Variants in PRSS55 observed in about 807,000 individuals in gnomAD.
PRSS55 encodes probable serine protease UNQ9391/PRO34284.
Under a neutral mutation model 23.6 loss-of-function variants are expected in PRSS55, and 41 were observed. That is an observed-to-expected ratio of 1.74 (90% CI 1.35 to 2.26). The LOEUF is 2.26. Among genes scored for constraint, PRSS55 ranks in the 30% most tolerant of loss-of-function variants. The pLI, the probability that PRSS55 is intolerant of heterozygous loss-of-function variation, is 0.00. For synonymous variants in PRSS55, 262 were observed against 175.5 expected (o/e 1.49, Z -3.90); for missense variants, 669 against 439.1 (o/e 1.52, Z -4.68).
At chr8:10,533,596 AATT>A in intron 4 of PRSS55, among the ~76,000 whole-genome samples, 1 of 152,342 alleles carries the variant, frequency 6.6e-6, no homozygotes, top group Middle Eastern at 3.4e-3. Context: ...CTTTCTAAAA[AATT>A]ATTGATAGCC....
intron 4 of PRSS55, among the ~76,000 whole-genome samples, chr8:10,546,789 T>A (rs1812829173): frequency 6.6e-6 from 1 of 152,048 alleles, no homozygotes. Flanking sequence ...GCTCAAGTGA[T>A]CCTCCCACCT....
chr8:10,534,509 A>C (rs538714579), intron 4 of PRSS55, among the ~76,000 whole-genome samples: 4 of 152,266 alleles, frequency 2.6e-5, no homozygotes, highest in South Asian at 2.1e-4. Context: ...AGAGTAATAT[A>C]ACAAAGGTAG....
intron 4 of PRSS55, among the ~76,000 whole-genome samples, chr8:10,536,721 G>C (rs1812468402): frequency 6.6e-6 from 1 of 152,138 alleles, no homozygotes; most frequent in South Asian, 2.1e-4. Context: ...GCAGCAACTT[G>C]GATGCAGCTA....
intron 1 of PRSS55, 136 bp from the exon 2 acceptor site, chr8:10,529,371 C>T: frequency 1.1e-6 from 1 of 879,020 alleles, no homozygotes; most frequent in Non-Finnish European, 1.9e-6. Flanking sequence ...GCTCGGCAGC[C>T]TCAGTGAGCT....
chr8:10,551,456 G>A (rs1188086645), intron 4 of PRSS55, among the ~76,000 whole-genome samples: 4 of 152,202 alleles, frequency 2.6e-5, no homozygotes, highest in Admixed American at 6.5e-5. Context: ...TGGTGGGGAC[G>A]GCAGGGTAAC....
At chr8:10,551,827 A>G (rs1375825897) in intron 4 of PRSS55, among the ~76,000 whole-genome samples, 1 of 152,158 alleles carries the variant, frequency 6.6e-6, no homozygotes, top group African/African-American at 2.4e-5. Context: ...ACTGCAAAGC[A>G]CCTCCAGATT....
downstream of PRSS55, chr8:10,541,664 C>A (rs920289670): frequency 4.6e-5 from 7 of 152,208 alleles, no homozygotes; most frequent in African/African-American, 1.7e-4. Context: ...TAATCTATCT[C>A]TCCTGTTTTT....
At chr8:10,542,568 CG>C (rs1563546470), downstream of PRSS55, among the ~76,000 whole-genome samples, 3 of 151,936 alleles carry the variant, frequency 2.0e-5, no homozygotes, top group Admixed American at 2.0e-4. Context: ...GTAGCCCAAA[CG>C]TCTCCTTAAA....
Position 10,544,796 on chromosome 8 carries a change from A to C in PRSS55, c.742-9147A>C, listed in dbSNP as rs58416530. On this transcript the variant is annotated intron_variant, in intron 4 of 4. Coordinates refer to the PRSS55 transcript ENST00000522210. ...CAAAACTTTCTTCCTACGTAGTCCT[A>C]TTTCCTCCTCCTCTTTTTTTTGCTA... Among the ~76,000 whole-genome samples the C allele has an allele frequency of 0.012, 1,852 of 152,182 alleles. 113 individuals are homozygous for C. In the East Asian group the frequency reaches 0.17, roughly 14 times the overall value.
intron 1 of PRSS55, 200 bp from the exon 2 acceptor site, chr8:10,529,307 G>C: frequency 1.6e-6 from 1 of 625,044 alleles, no homozygotes. Flanking sequence ...CTGTTGCTGA[G>C]CTCTGTGTAG....
chr8:10,533,628 T>A (rs774635046), intron 4 of PRSS55, among the ~76,000 whole-genome samples: 1 of 151,992 alleles, frequency 6.6e-6, no homozygotes, highest in Non-Finnish European at 1.5e-5. Flanking sequence ...AGAAAAAAAA[T>A]CATAAATTTC....
downstream of PRSS55, among the ~76,000 whole-genome samples, chr8:10,543,463 C>CCTTCCTTTCTTT (rs71203336): frequency 5.6e-4 from 28 of 49,736 alleles, 1 homozygote; most frequent in Admixed American, 4.9e-3. Context: ...TTCCTTCCTT[C>CCTTCCTTTCTTT]CTTTCTTTCT....
At chr8:10,540,780 C>A (rs754568481), downstream of PRSS55, 4 of 152,200 alleles carry the variant, frequency 2.6e-5, no homozygotes, top group African/African-American at 9.6e-5. Context: ...CCCTACTCCT[C>A]CAGAGGTCCT....
At chr8:10,551,893 G>A (rs1276496991) in intron 4 of PRSS55, among the ~76,000 whole-genome samples, 1 of 152,198 alleles carries the variant, frequency 6.6e-6, no homozygotes, top group East Asian at 1.9e-4. Flanking sequence ...TCCAAAAGCA[G>A]AACCTTTGCA....
chr8:10,531,195 A>C, intron 2 of PRSS55, 100 bp from the exon 3 acceptor site: 169 of 1,430,748 alleles, frequency 1.2e-4, no homozygotes, highest in Non-Finnish European at 1.4e-4. Flanking sequence ...TAAAGGTCCT[A>C]GAGCTACATG....
At chr8:10,532,471 C>T (rs980240289) in intron 3 of PRSS55, among the ~76,000 whole-genome samples, 1 of 152,198 alleles carries the variant, frequency 6.6e-6, no homozygotes, top group East Asian at 1.9e-4. Context: ...CCTGCCCTTG[C>T]TGAGGACCTA....
downstream of PRSS55, among the ~76,000 whole-genome samples, chr8:10,541,911 C>T (rs1029621182): frequency 1.3e-5 from 2 of 152,050 alleles, no homozygotes; most frequent in African/African-American, 4.8e-5. Context: ...ATAGCTGGGA[C>T]TACAGGCGCA....
chr8:10,549,830 G>T (rs1812912519), intron 4 of PRSS55, among the ~76,000 whole-genome samples: 1 of 152,228 alleles, frequency 6.6e-6, no homozygotes, highest in African/African-American at 2.4e-5. Context: ...TCTGCAAGGT[G>T]GTGGTAAGGC....
rs188379909 is a variant in PRSS55 at position 10,552,680 on chromosome 8, C to G, written c.742-1263C>G. Among the ~76,000 whole-genome samples, 14 of 152,336 alleles carry G rather than the reference C, an allele frequency of 9.2e-5. No homozygotes were observed. The East Asian group carries it at 1.9e-3, about 21-fold the overall frequency. ...CTAAATGAAAAACTTCTCAACATCA[C>G]TAATCATCAAGGAAATGCAAATTAA... On this transcript the variant is annotated intron_variant, in intron 4 of 4. Coordinates refer to the PRSS55 transcript ENST00000522210.
Sources: gnomAD v4.1 joint callset for allele counts (sites outside exome capture counted in the v4.1 genomes callset) on GRCh38, gnomAD v4.1.1 for gene constraint, MANE v1.5 for transcripts, NCBI Gene and HGNC (gene_info 2026-07-23, HGNC 2026-07-21) for gene names.